Variants in ANKRD2 observed in about 807,000 individuals in gnomAD.
The protein encoded by ANKRD2 is ankyrin repeat domain-containing protein 2.
In ANKRD2, 35 loss-of-function variants were observed where a neutral mutation model predicts 37.3. The observed-to-expected ratio is 0.94, with a 90% CI of 0.72 to 1.24. The LOEUF (loss-of-function observed/expected upper bound fraction) is 1.24. ANKRD2 is among the 50% of genes most tolerant of loss of function. The probability of loss-of-function intolerance (pLI) is 0.00; values close to 1 mark genes in which losing one functional copy is unlikely to be tolerated. For missense variants in ANKRD2, 410 were observed against 445.6 expected, an observed-to-expected ratio of 0.92 and a Z score of 0.72; for synonymous variants, 159 against 186.5, an observed-to-expected ratio of 0.85 and a Z score of 1.20.
upstream of ANKRD2, chr10:97,572,721 C>A: frequency 6.2e-7 from 1 of 1,604,968 alleles, no homozygotes; most frequent in Non-Finnish European, 8.5e-7. Flanking sequence ...GCAAAGGCGC[C>A]CAGCTGGGCA....
intron 6 of ANKRD2, among the ~76,000 whole-genome samples, chr10:97,581,943 G>A (rs557075969): frequency 9.2e-5 from 14 of 152,300 alleles, no homozygotes; most frequent in Non-Finnish European, 1.5e-4. Flanking sequence ...GCTTAGGTGG[G>A]AAAACATGTG....
In ANKRD2 at chr10:97,581,326, C is replaced by T; in HGVS notation, c.566C>T (p.Thr189Ile). The change falls in exon 6 of 9, where the codon ACA (threonine) becomes ATA (isoleucine). Residue 189 changes from threonine to isoleucine, a missense_variant. Transcript: ENST00000370655. ...CTCATTTCTTTCTAGCTGGACTGCA[C>T]AGCCATGCATTGGGCCTGCCGCGGG... ...TVDFQDRLDC[T>I]AMHWACRGGH... is the part of the protein sequence containing the mutation. 6.2e-7 allele frequency: 1 copy of T among 1,614,086 alleles called. No homozygotes were observed. Among genetic ancestry groups the T allele is most frequent in the Non-Finnish European group, 8.5e-7 (1 of 1,179,952 alleles).
At chr10:97,579,212 G>A (rs2135703754) in intron 4 of ANKRD2, among the ~76,000 whole-genome samples, 1 of 151,000 alleles carries the variant, frequency 6.6e-6, no homozygotes, top group East Asian at 1.9e-4. Context: ...AGGAATATTA[G>A]CACCTCAGTA....
chr10:97,577,863 C>T lies in ANKRD2; in HGVS notation c.151C>T (p.His51Tyr). 1 of 1,572,474 alleles carries T rather than the reference C, an allele frequency of 6.4e-7. No homozygotes were observed. The highest frequency in any genetic ancestry group is 1.9e-5 in the Admixed American group (1 of 52,850). ...CTTGCTGGTGCTGGAGGATGAGAAGCACCACGGGGCTCAGAGTGCAGCCCT... is the reference window on the plus strand; with the variant it reads ...CTTGCTGGTGCTGGAGGATGAGAAGTACCACGGGGCTCAGAGTGCAGCCCT... Reference protein sequence around the residue: ...MDLLVLEDEKHHGAQSAALQK... With the variant: ...MDLLVLEDEKYHGAQSAALQK... Residue 51 changes from histidine (H) to tyrosine (Y), a missense_variant, in exon 2 of 9, where the codon CAC (histidine) becomes TAC (tyrosine). By Grantham distance (83) the His-to-Tyr change is moderately conservative. Transcript: ENST00000370655.
Position 97,580,880 on chromosome 10 carries a change from C to A in ANKRD2, c.482C>A (p.Ala161Asp). The A allele has an allele frequency of 6.2e-7, 1 of 1,611,476 alleles. No homozygotes were observed. The highest frequency in any genetic ancestry group is 1.7e-5 in the Admixed American group (1 of 59,694). ...TTCCGTCGGACAGCACTGCACCGAG[C>A]TTCCCTGGAAGGCCACATGGAAATC... The part of the protein sequence containing the change: ...DQFRRTALHR[A>D]SLEGHMEILE... The change falls in exon 5 of 9, where the codon GCT becomes GAT. Residue 161 changes from alanine (A) to aspartate (D), a missense_variant. Transcript: ENST00000370655.
intron 6 of ANKRD2, 116 bp from the exon 7 acceptor site, chr10:97,582,199 C>A (rs926450988): frequency 6.6e-5 from 53 of 808,342 alleles, no homozygotes; most frequent in Non-Finnish European, 1.0e-4. Flanking sequence ...AAGGCTCAGG[C>A]CTTGGCACTA....
chr10:97,583,798 G>A lies in ANKRD2; in HGVS notation c.*73G>A, dbSNP rs901045727. 2.0e-5 allele frequency: 28 copies of A among 1,401,052 alleles called. No homozygotes were observed. In the East Asian group the frequency reaches 2.3e-4, roughly 12 times the overall value. 86.8% of individuals were successfully genotyped at this position (1,401,052 alleles called of 1,614,324 possible). ...CCGGAGGGTCCTAAGAATGGCTCCC[G>A]GAGCTAACTGAGGGCCCAGCCTTTT... On this transcript the variant is annotated 3_prime_UTR_variant, in exon 9 of 9. Transcript: ENST00000370655.
At chr10:97,575,097 A>G (rs2040809352) in intron 1 of ANKRD2, among the ~76,000 whole-genome samples, 1 of 152,226 alleles carries the variant, frequency 6.6e-6, no homozygotes, top group African/African-American at 2.4e-5. Flanking sequence ...CTCACATTCA[A>G]TGCAGCAAAC....
At chr10:97,578,472 C>T in intron 3 of ANKRD2, 26 bp from the exon 4 acceptor site, 3 of 1,595,542 alleles carry the variant, frequency 1.9e-6, no homozygotes, top group Non-Finnish European at 2.6e-6. Flanking sequence ...TGGGACGGCC[C>T]GTGACTGCTG....
chr10:97,578,172 C>T, intron 2 of ANKRD2, 68 bp from the exon 3 acceptor site: 1 of 552,386 alleles, frequency 1.8e-6, no homozygotes, highest in Non-Finnish European at 3.2e-6. Context: ...ACCAGCTTAG[C>T]TCAGAGGTCT....
rs1311468792 is a variant in ANKRD2, at chr10:97,582,616, G to A, written c.766G>A (p.Ala256Thr). 1 of 1,614,002 alleles carries A rather than the reference G, an allele frequency of 6.2e-7. No individual in the cohort carries two copies. The highest frequency in any genetic ancestry group is 1.3e-5 in the African/African-American group (1 of 74,930). The stretch of plus-strand genomic sequence containing the variant: ...ACACTGACTCTAGGAAGGGGATACT[G>A]CCCTGCATGACGCTGTGAGGCTCAA... ...INARDREGDT[A>T]LHDAVRLNRY... The change falls in exon 8 of 9, where the codon GCC becomes ACC. Residue 256 changes from alanine to threonine, a missense_variant. By Grantham distance (58) the Ala-to-Thr change is moderately conservative. Coordinates refer to ENST00000370655, the MANE Select transcript of ANKRD2 (RefSeq NM_001346793.2).
chr10:97,583,617 T>C lies in ANKRD2; in HGVS notation c.894T>C (p.Ala298=). ...TPTDLVQLWQ[A]DTRHALEHPE... ...CGGACCTGGTGCAGCTCTGGCAGGCTGATACCCGGCACGCCCTGGAGCATC... is the reference window on the plus strand; with the variant it reads ...CGGACCTGGTGCAGCTCTGGCAGGCCGATACCCGGCACGCCCTGGAGCATC... Residue 298 remains alanine (A), a synonymous_variant, in exon 9 of 9, where the codon GCT becomes GCC. Transcript: ENST00000370655. The C allele has an allele frequency of 6.2e-7, 1 of 1,606,162 alleles. No individual in the cohort carries two copies. Among genetic ancestry groups the C allele is most frequent in the Admixed American group, 1.7e-5 (1 of 59,166 alleles).
At chr10:97,579,468 G>A (rs2040870146) in intron 4 of ANKRD2, among the ~76,000 whole-genome samples, 1 of 151,450 alleles carries the variant, frequency 6.6e-6, no homozygotes, top group Non-Finnish European at 1.5e-5. Context: ...CACCACTCCT[G>A]GCCTATTTTT....
At chr10:97,578,069 C>T (rs1201420175) in intron 2 of ANKRD2, among the ~76,000 whole-genome samples, 168 bp downstream of exon 2, 1 of 152,074 alleles carries the variant, frequency 6.6e-6, no homozygotes, top group Non-Finnish European at 1.5e-5. Flanking sequence ...AGTCAGAATT[C>T]CCCCAATGTG....
intron 4 of ANKRD2, among the ~76,000 whole-genome samples, chr10:97,579,168 T>C (rs892790386): frequency 6.6e-6 from 1 of 151,516 alleles, no homozygotes; most frequent in Non-Finnish European, 1.5e-5. Flanking sequence ...TAGATAAAGA[T>C]ATAGATTTTT....
chr10:97,580,481 G>A (rs1011431256), intron 4 of ANKRD2, among the ~76,000 whole-genome samples: 24 of 152,198 alleles, frequency 1.6e-4, no homozygotes, highest in Non-Finnish European at 7.3e-5. Flanking sequence ...GGTCATCTGG[G>A]CCCTAGGGAA....
In ANKRD2 at chr10:97,583,677, G is replaced by A; in HGVS notation, c.954G>A (p.Gly318=). Residue 318 remains glycine (G), a synonymous_variant, in exon 9 of 9, where the codon GGG becomes GGA. Coordinates refer to ENST00000370655, the MANE Select transcript of ANKRD2 (RefSeq NM_001346793.2). The part of the protein sequence containing the change: ...EPGAEHNGLE[G]PNDSGRETPQ... ...GGGCTGAGCATAACGGGCTGGAGGG[G>A]CCTAATGATAGTGGGCGAGAGACCC... The A allele has an allele frequency of 6.2e-7, 1 of 1,600,176 alleles. No homozygotes were observed. The highest frequency in any genetic ancestry group is 8.5e-7 in the Non-Finnish European group (1 of 1,174,040).
intron 1 of ANKRD2, among the ~76,000 whole-genome samples, chr10:97,576,469 T>G (rs1303578859): frequency 6.6e-6 from 1 of 152,142 alleles, no homozygotes; most frequent in African/African-American, 2.4e-5. Flanking sequence ...GAGGAGCTGC[T>G]GCTCCCATCA....
Position 97,581,314 on chromosome 10 carries a change from A to T in ANKRD2, c.556-2A>T, listed in dbSNP as rs1424221542. On this transcript the variant is annotated splice_acceptor_variant, in intron 5 of 8. Transcript: ENST00000370655. LOFTEE classifies it high-confidence loss of function. ...TAGTTAGACCCCCTCATTTCTTTCT[A>T]GCTGGACTGCACAGCCATGCATTGG... 1.2e-6 allele frequency: 2 copies of T among 1,613,600 alleles called. No individual in the cohort carries two copies. The highest frequency in any genetic ancestry group is 1.7e-6 in the Non-Finnish European group (2 of 1,179,834).
Sources: gnomAD v4.1 joint callset for allele counts (sites outside exome capture counted in the v4.1 genomes callset) on GRCh38, gnomAD v4.1.1 for gene constraint, MANE v1.5 for transcripts, NCBI Gene and HGNC (gene_info 2026-07-23, HGNC 2026-07-21) for gene names.